Variants in ARHGAP26 observed in about 807,000 individuals in gnomAD.
The protein encoded by ARHGAP26 is rho GTPase-activating protein 26.
In ARHGAP26, 38 loss-of-function variants were observed where a neutral mutation model predicts 104.8. The observed-to-expected ratio is 0.36, with a 90% confidence interval of 0.28 to 0.48. The LOEUF (loss-of-function observed/expected upper bound fraction) is 0.48. Ranked by LOEUF, ARHGAP26 falls within the 20% of genes least tolerant of loss-of-function variation. ARHGAP26 has a pLI of 0.99. For missense variants in ARHGAP26, 704 were observed against 947.9 expected, an observed-to-expected ratio of 0.74 and a Z score of 3.38; for synonymous variants, 341 against 340.0, an observed-to-expected ratio of 1.00 and a Z score of -0.03.
intron 17 of ARHGAP26, among the ~76,000 whole-genome samples, chr5:143,067,747 G>A (rs1787707070): frequency 6.6e-6 from 1 of 152,270 alleles, no homozygotes; most frequent in South Asian, 2.1e-4. Flanking sequence ...GGTAGAATAG[G>A]GTCACTATTT....
chr5:142,876,449 C>T (rs767002703), intron 3 of ARHGAP26, among the ~76,000 whole-genome samples: 6 of 152,174 alleles, frequency 3.9e-5, no homozygotes, highest in South Asian at 2.1e-4. Flanking sequence ...AGTCTGGGTT[C>T]AAACCCAAGT....
chr5:142,858,080 TGTGTGTGTGTGTGTGA>T (rs1219335890), intron 1 of ARHGAP26, among the ~76,000 whole-genome samples: 2 of 142,704 alleles, frequency 1.4e-5, no homozygotes, highest in African/African-American at 2.8e-5. Flanking sequence ...TGTGTGTGTG[TGTGTGTGTGTGTGTGA>T]GAGAGAGAGA....
chr5:143,147,324 A>C lies in ARHGAP26; in HGVS notation c.1931A>C (p.Asn644Thr). The change falls in exon 20 of 23, where the codon AAC (asparagine) becomes ACC (threonine). Residue 644 changes from asparagine (N) to threonine (T), a missense_variant. Physicochemically the swap from Asn to Thr is moderately conservative, Grantham distance 65 (BLOSUM62 0). This residue lies in a region of ARHGAP26 where 217 missense variants were observed against 242.6 expected (regional missense o/e 0.89). Transcript: ENST00000645722. ...ILNSSSSLQPNMNSSDPDLAV... is the reference protein window; with the variant it reads ...ILNSSSSLQPTMNSSDPDLAV... The stretch of plus-strand genomic sequence containing the variant: ...AATTCCAGCAGCAGCTTACAGCCCA[A>C]CATGAACTCCAGTGACCCAGACCTG... The C allele has an allele frequency of 6.2e-7, 1 of 1,614,080 alleles. No homozygotes were observed. The highest frequency in any genetic ancestry group is 1.1e-5 in the South Asian group (1 of 91,076).
At chr5:143,080,006 C>T (rs1006815653) in intron 17 of ARHGAP26, among the ~76,000 whole-genome samples, 1 of 152,150 alleles carries the variant, frequency 6.6e-6, no homozygotes. Flanking sequence ...TATGACCTAC[C>T]TCTGGATAGT....
chr5:143,129,051 C>G (rs1285902491), intron 18 of ARHGAP26, among the ~76,000 whole-genome samples: 4 of 152,144 alleles, frequency 2.6e-5, no homozygotes, highest in Non-Finnish European at 5.9e-5. Flanking sequence ...TGGATAAGAA[C>G]AGATTCCACA....
At position 143,120,849 on chromosome 5, in the gene ARHGAP26, T is replaced by G. The variant is rs957462924; in HGVS notation, c.1539-139T>G. 7.2e-6 allele frequency: 5 copies of G among 693,816 alleles called. No homozygotes were observed. The African/African-American group carries it at 9.1e-5, about 13-fold the overall frequency. The allele number at this position is 693,816 out of a possible 1,614,324, so 43.0% of individuals were successfully genotyped here. On this transcript the variant is annotated intron_variant, in intron 17 of 22. Coordinates refer to ENST00000645722, the MANE Select transcript of ARHGAP26 (RefSeq NM_001135608.3). ...AATGTGGTAGATTTTCTGACTCCTG[T>G]GGCATCTGACGATGACCCAAGTTCT...
chr5:142,847,842 G>A (rs1050504738), intron 1 of ARHGAP26, among the ~76,000 whole-genome samples: 5 of 152,236 alleles, frequency 3.3e-5, no homozygotes, highest in African/African-American at 1.2e-4. Context: ...ACACCTGGAG[G>A]TGGGGAAGTG....
At chr5:142,869,204 T>C (rs1561985078) in intron 1 of ARHGAP26, among the ~76,000 whole-genome samples, 1 of 150,912 alleles carries the variant, frequency 6.6e-6, no homozygotes, top group Admixed American at 6.6e-5. Context: ...TCTTTTTCTT[T>C]TTTCTTTTTT....
chr5:143,112,030 G>A (rs1794840385), intron 17 of ARHGAP26, among the ~76,000 whole-genome samples: 1 of 152,202 alleles, frequency 6.6e-6, no homozygotes, highest in African/African-American at 2.4e-5. Context: ...CACATGATAC[G>A]CAAACTGCTA....
intron 20 of ARHGAP26, among the ~76,000 whole-genome samples, chr5:143,201,591 C>T (rs1463361995): frequency 6.6e-6 from 1 of 152,166 alleles, no homozygotes; most frequent in Non-Finnish European, 1.5e-5. Flanking sequence ...TACAGCCAGA[C>T]ACTTCTGTAG....
Position 142,903,616 on chromosome 5 carries a change from A to G in ARHGAP26, c.779A>G (p.His260Arg). 1 of 1,614,116 alleles carries G rather than the reference A, an allele frequency of 6.2e-7. No individual in the cohort carries two copies. Among genetic ancestry groups the G allele is most frequent in the African/African-American group, 1.3e-5 (1 of 75,052 alleles). The change falls in exon 8 of 23, where the codon CAC becomes CGC. Residue 260 changes from histidine to arginine, a missense_variant. By Grantham distance (29) the His-to-Arg change is conservative. This residue lies in a region of ARHGAP26 where 287 missense variants were observed against 438.8 expected (regional missense o/e 0.65). Coordinates refer to ENST00000645722, the MANE Select transcript of ARHGAP26 (RefSeq NM_001135608.3). ...AAGATGAAGGAGAATCCCCTTGAGC[A>G]CAAGACCATCAGTCCCTACACCATG... ...MKKMKENPLE[H>R]KTISPYTMEG...
At chr5:143,041,517 T>C (rs928585736) in intron 13 of ARHGAP26, 2 of 261,006 alleles carry the variant, frequency 7.7e-6, no homozygotes, top group African/African-American at 4.4e-5. Flanking sequence ...ACATTTTGCA[T>C]CTTTTAGAAC....
At chr5:143,203,926 G>A (rs1808170892) in intron 20 of ARHGAP26, among the ~76,000 whole-genome samples, 2 of 152,212 alleles carry the variant, frequency 1.3e-5, no homozygotes, top group Non-Finnish European at 2.9e-5. Flanking sequence ...CAGGGGGTAG[G>A]GGGCTAGGGG....
intron 17 of ARHGAP26, among the ~76,000 whole-genome samples, chr5:143,097,583 G>A (rs1011465340): frequency 1.3e-5 from 2 of 151,872 alleles, no homozygotes; most frequent in Admixed American, 1.3e-4. Flanking sequence ...CACTTTGGGA[G>A]GTCGAGGCGG....
intron 22 of ARHGAP26, among the ~76,000 whole-genome samples, chr5:143,214,897 T>C (rs1312162772): frequency 6.6e-6 from 1 of 152,230 alleles, no homozygotes; most frequent in Admixed American, 6.5e-5. Context: ...CCTCAAGCAC[T>C]GTCCTTAAGC....
In ARHGAP26 at chr5:142,871,845, C is replaced by G. The variant is rs114893238; in HGVS notation, c.155-1555C>G. On this transcript the variant is annotated intron_variant, in intron 1 of 22. Transcript: ENST00000645722. The surrounding 1 kb of genome is among the most constrained non-coding windows in gnomAD (Gnocchi z 4.1). ...GGACCATTCTGTGAAAGTGACTGAA[C>G]GAGGGAGAGATCGGAGACTGTTGGC... Among the ~76,000 whole-genome samples the G allele has an allele frequency of 6.6e-6, 1 of 152,186 alleles. No individual in the cohort carries two copies. Among genetic ancestry groups the G allele is most frequent in the Admixed American group, 6.5e-5 (1 of 15,286 alleles).
At chr5:142,844,372 A>G (rs1233024193) in intron 1 of ARHGAP26, among the ~76,000 whole-genome samples, 1 of 151,046 alleles carries the variant, frequency 6.6e-6, no homozygotes, top group Non-Finnish European at 1.5e-5. Flanking sequence ...TCTTTCTCAG[A>G]CATTCTTGTT....
Position 143,214,204 on chromosome 5 carries a change from G to C in ARHGAP26, c.2191+116G>C, listed in dbSNP as rs1354623175. On this transcript the variant is annotated intron_variant, in intron 22 of 22. Transcript: ENST00000645722. ...GGGAAAATCTCAATACAATGGGTAAGAAAAAAAGTGTGTGTGCGTCTGTGT... is the reference window on the plus strand; with the variant it reads ...GGGAAAATCTCAATACAATGGGTAACAAAAAAAGTGTGTGTGCGTCTGTGT... 1.3e-5 allele frequency: 9 copies of C among 672,278 alleles called. No homozygotes were observed. In the African/African-American group the frequency reaches 1.4e-4, roughly 11 times the overall value. The allele number at this position is 672,278 out of a possible 1,614,324, so 41.6% of individuals were successfully genotyped here.
chr5:142,813,950 T>G (rs575152737), intron 1 of ARHGAP26, among the ~76,000 whole-genome samples: 1 of 152,312 alleles, frequency 6.6e-6, no homozygotes, highest in South Asian at 2.1e-4. Flanking sequence ...GAAGACAAGG[T>G]CAGCCAGCTT....
Sources: allele counts gnomAD v4.1 joint callset (sites outside exome capture counted in the v4.1 genomes callset), GRCh38; gene constraint gnomAD v4.1.1; regional missense constraint gnomAD v4.1.1; non-coding constraint Gnocchi (gnomAD v3.1); transcripts MANE v1.5; gene names NCBI Gene and HGNC (gene_info 2026-07-23, HGNC 2026-07-21).